The following ARHGAP15 variants were observed in gnomAD, a reference collection of about 807,000 sequenced individuals.
ARHGAP15 encodes Rho GTPase activating protein 15.
A neutral mutation model predicts 63.7 loss-of-function variants in ARHGAP15; 51 were observed. The observed-to-expected ratio is 0.80, with a 90% CI of 0.64 to 1.01. The LOEUF (loss-of-function observed/expected upper bound fraction) is 1.01, where lower values mean the gene tolerates loss of function less well. Among genes scored for constraint, ARHGAP15 ranks in the 50% least tolerant of loss-of-function variants. The pLI is 0.00. For missense variants in ARHGAP15, 560 were observed against 564.6 expected, an observed-to-expected ratio of 0.99 and a Z score of 0.08; for synonymous variants, 191 against 193.8, an observed-to-expected ratio of 0.99 and a Z score of 0.12.
At chr2:143,440,666 T>C (rs1689834893) in intron 8 of ARHGAP15, among the ~76,000 whole-genome samples, 1 of 152,212 alleles carries the variant, frequency 6.6e-6, no homozygotes, top group African/African-American at 2.4e-5. Context: ...TTAAAAAATA[T>C]GATTCTAACC....
In ARHGAP15 at chr2:143,373,640, A is replaced by C. The variant is rs1032378474; in HGVS notation, c.475-61961A>C. Among the ~76,000 whole-genome samples the C allele has an allele frequency of 6.3e-3, 947 of 149,390 alleles. 13 individuals are homozygous for C. Among genetic ancestry groups the C allele is most frequent in the African/African-American group, 0.021 (859 of 40,840 alleles). ...GCCAGACTCTATCTCAAAAAAAAAA[A>C]AAAAAAAAAAAAAAAAAAAACACAG... On this transcript the variant is annotated intron_variant, in intron 6 of 13. Coordinates refer to ENST00000295095, the MANE Select transcript of ARHGAP15 (RefSeq NM_018460.4).
chr2:143,697,077 T>G (rs1683882863), intron 12 of ARHGAP15, among the ~76,000 whole-genome samples: 1 of 152,102 alleles, frequency 6.6e-6, no homozygotes, highest in South Asian at 2.1e-4. Context: ...CTCAAGGCGG[T>G]GGTTTTTCCT....
At chr2:143,155,736 G>T in intron 2 of ARHGAP15, 81 bp downstream of exon 2, 2 of 1,380,900 alleles carry the variant, frequency 1.4e-6, no homozygotes, top group South Asian at 1.5e-5. Flanking sequence ...AATTAGTCTT[G>T]TTTTATTTGT....
chr2:143,738,369 A>G (rs1685835704), intron 13 of ARHGAP15, among the ~76,000 whole-genome samples: 1 of 152,182 alleles, frequency 6.6e-6, no homozygotes, highest in Non-Finnish European at 1.5e-5. Context: ...TTACGAATAA[A>G]GGCACATTTC....
chr2:143,416,134 T>TTA (rs1553477014), intron 6 of ARHGAP15, among the ~76,000 whole-genome samples: 1 of 140,798 alleles, frequency 7.1e-6, no homozygotes, highest in East Asian at 2.0e-4. Context: ...AAATAATAAT[T>TTA]AAAAAAAAAA....
intron 10 of ARHGAP15, among the ~76,000 whole-genome samples, chr2:143,521,747 C>T (rs942011283): frequency 7.2e-5 from 11 of 152,092 alleles, no homozygotes; most frequent in East Asian, 3.9e-4. Context: ...CTCACTACAT[C>T]GGCACATTGG....
chr2:143,365,284 T>C (rs1229054925), intron 6 of ARHGAP15, among the ~76,000 whole-genome samples: 6 of 152,156 alleles, frequency 3.9e-5, no homozygotes, highest in Admixed American at 3.9e-4. Context: ...GTAAAATAAA[T>C]AAGAAGCTAA....
At chr2:143,454,554 T>C (rs1035205892) in intron 8 of ARHGAP15, among the ~76,000 whole-genome samples, 13 of 151,980 alleles carry the variant, frequency 8.6e-5, no homozygotes, top group South Asian at 2.1e-4. Flanking sequence ...TAGACAGAAT[T>C]ATAATAAAGG....
At chr2:143,196,780 AG>A (rs1558807364) in intron 2 of ARHGAP15, among the ~76,000 whole-genome samples, 1 of 151,904 alleles carries the variant, frequency 6.6e-6, no homozygotes, top group African/African-American at 2.4e-5. Context: ...TTCTGTTTAG[AG>A]GGGGGACCTA....
At chr2:143,612,519 G>A (rs962189414) in intron 11 of ARHGAP15, among the ~76,000 whole-genome samples, 16 of 152,168 alleles carry the variant, frequency 1.1e-4, no homozygotes, top group Non-Finnish European at 1.5e-5. Flanking sequence ...CTGCCATTGT[G>A]TGGGAGACGT....
intron 4 of ARHGAP15, among the ~76,000 whole-genome samples, chr2:143,221,033 C>T (rs977842613): frequency 9.2e-5 from 14 of 152,036 alleles, no homozygotes; most frequent in East Asian, 1.9e-4. Flanking sequence ...GCTTGAAACA[C>T]GTTTGCTTTA....
At chr2:143,226,811 T>A (rs1192817866) in intron 4 of ARHGAP15, among the ~76,000 whole-genome samples, 1 of 152,244 alleles carries the variant, frequency 6.6e-6, no homozygotes, top group Non-Finnish European at 1.5e-5. Context: ...TGTTCTTTTT[T>A]AACACAATGG....
Position 143,549,415 on chromosome 2 carries a change from T to G in ARHGAP15, c.926-6993T>G, listed in dbSNP as rs560660511. 2.6e-5 allele frequency among the ~76,000 whole-genome samples: 4 copies of G among 152,008 alleles called. No homozygotes were observed. In the South Asian group the frequency reaches 8.3e-4, roughly 32 times the overall value. ...GAGGAAGCAGATGGGATCAAACAAA[T>G]AGAGAAATGAAAGCAGGAGAAACAC... is the stretch of plus-strand genomic sequence containing the variant. On this transcript the variant is annotated intron_variant, in intron 10 of 13. Coordinates refer to ENST00000295095, the MANE Select transcript of ARHGAP15 (RefSeq NM_018460.4).
At chr2:143,137,214 C>T (rs1166760967) in intron 1 of ARHGAP15, among the ~76,000 whole-genome samples, 1 of 152,008 alleles carries the variant, frequency 6.6e-6, no homozygotes, top group Non-Finnish European at 1.5e-5. Flanking sequence ...TGTTTAGTGG[C>T]TATTTTCACC....
intron 6 of ARHGAP15, among the ~76,000 whole-genome samples, chr2:143,426,613 C>G (rs543045944): frequency 6.6e-6 from 1 of 152,110 alleles, no homozygotes; most frequent in African/African-American, 2.4e-5. Context: ...GGAAACAACA[C>G]AAGGTGGGCA....
At chr2:143,308,313 G>A (rs1293092074) in intron 6 of ARHGAP15, among the ~76,000 whole-genome samples, 2 of 152,036 alleles carry the variant, frequency 1.3e-5, no homozygotes, top group Non-Finnish European at 2.9e-5. Flanking sequence ...AGAACCATAA[G>A]GGGAAATAAG....
chr2:143,538,005 C>A (rs1435800281), intron 10 of ARHGAP15, among the ~76,000 whole-genome samples: 2 of 152,152 alleles, frequency 1.3e-5, no homozygotes, highest in Non-Finnish European at 2.9e-5. Context: ...TTCTTCCTAC[C>A]CATGAGCATA....
intron 5 of ARHGAP15, among the ~76,000 whole-genome samples, chr2:143,229,975 C>T (rs1316191304): frequency 1.3e-5 from 2 of 152,022 alleles, no homozygotes; most frequent in African/African-American, 4.8e-5. Context: ...TTTAAACTGC[C>T]TCAGAAATTT....
intron 5 of ARHGAP15, among the ~76,000 whole-genome samples, chr2:143,243,330 G>A (rs1448836880): frequency 1.3e-5 from 2 of 152,128 alleles, no homozygotes; most frequent in Non-Finnish European, 2.9e-5. Flanking sequence ...AAAATCAGAA[G>A]TGCAAGAGAC....
Sources: gnomAD v4.1 joint callset for allele counts (sites outside exome capture counted in the v4.1 genomes callset) on GRCh38, gnomAD v4.1.1 for gene constraint, MANE v1.5 for transcripts, NCBI Gene and HGNC (gene_info 2026-07-23, HGNC 2026-07-21) for gene names.